Variants in NPAS3 observed in about 807,000 individuals in gnomAD.
NPAS3 encodes the protein neuronal PAS domain protein 3.
A neutral mutation model predicts 73.1 loss-of-function variants in NPAS3; 14 were observed. That is an observed-to-expected ratio of 0.19 (90% CI 0.13 to 0.30). The LOEUF is 0.30. Among genes scored for constraint, NPAS3 ranks in the 10% least tolerant of loss-of-function variants. The probability of loss-of-function intolerance (pLI) is 1.00; values close to 1 mark genes in which losing one functional copy is unlikely to be tolerated. For missense variants in NPAS3, 1,096 were observed against 1,250.0 expected (o/e 0.88, Z 1.86); for synonymous variants, 620 against 541.5 (o/e 1.14, Z -2.01).
At chr14:33,802,381 A>AAAG (rs2063734798), downstream of NPAS3, 1 of 149,694 alleles carries the variant, frequency 6.7e-6, no homozygotes, top group Admixed American at 6.6e-5. Context: ...TTAAGTAAAA[A>AAAG]AAAAAAAAAA....
intron 5 of NPAS3, among the ~76,000 whole-genome samples, chr14:33,626,825 G>A (rs544897686): frequency 6.6e-6 from 1 of 152,236 alleles, no homozygotes; most frequent in South Asian, 2.1e-4. Flanking sequence ...CATACAAAGG[G>A]ATAAGAAAGA....
chr14:33,361,857 G>T (rs2045618851), intron 3 of NPAS3, among the ~76,000 whole-genome samples: 1 of 152,060 alleles, frequency 6.6e-6, no homozygotes, highest in South Asian at 2.1e-4. Context: ...GTATTTATTT[G>T]TTATCAGATA....
At chr14:33,477,134 C>G (rs1445680997) in intron 4 of NPAS3, among the ~76,000 whole-genome samples, 4 of 151,754 alleles carry the variant, frequency 2.6e-5, no homozygotes, top group Non-Finnish European at 5.9e-5. Context: ...TTGTTGCCTT[C>G]TGGATTTAAT....
chr14:32,953,451 GT>G (rs1452533807), intron 1 of NPAS3, among the ~76,000 whole-genome samples: 1 of 152,162 alleles, frequency 6.6e-6, no homozygotes, highest in Non-Finnish European at 1.5e-5. Flanking sequence ...GGCGTCTTCT[GT>G]CCTGTGGTCC....
downstream of NPAS3, chr14:33,801,336 T>G: frequency 1.3e-6 from 1 of 796,346 alleles, no homozygotes; most frequent in Non-Finnish European, 1.9e-6. Flanking sequence ...GCCTGCCGTT[T>G]TGTCTTCTTC....
chr14:33,739,217 T>C (rs1398896673), intron 7 of NPAS3, among the ~76,000 whole-genome samples: 1 of 152,204 alleles, frequency 6.6e-6, no homozygotes, highest in Non-Finnish European at 1.5e-5. Context: ...TGCTATGACA[T>C]ACGCAAACAT....
intron 3 of NPAS3, among the ~76,000 whole-genome samples, chr14:33,335,714 C>A (rs1247474005): frequency 6.6e-6 from 1 of 152,090 alleles, no homozygotes; most frequent in Non-Finnish European, 1.5e-5. Context: ...TTGAGTGGAC[C>A]TTCTGGCTGT....
intron 3 of NPAS3, among the ~76,000 whole-genome samples, chr14:33,265,453 C>T (rs2049135090): frequency 6.6e-6 from 1 of 152,084 alleles, no homozygotes; most frequent in Non-Finnish European, 1.5e-5. Flanking sequence ...ATGCTAATGG[C>T]TTTGAACTTA....
At chr14:33,007,025 T>C (rs377670354) in intron 1 of NPAS3, among the ~76,000 whole-genome samples, 9,600 of 152,316 alleles carry the variant, frequency 0.063, 388 homozygotes, top group Middle Eastern at 0.15. Flanking sequence ...ATGACTTTTT[T>C]TGTTATCCAT....
intron 3 of NPAS3, among the ~76,000 whole-genome samples, chr14:33,268,728 T>A (rs181993961): frequency 1.3e-5 from 2 of 152,310 alleles, no homozygotes; most frequent in East Asian, 3.9e-4. Context: ...TTGGAGAAGA[T>A]GTTTCTGTTT....
chr14:33,698,047 C>T (rs984684758), intron 6 of NPAS3, among the ~76,000 whole-genome samples: 1 of 152,148 alleles, frequency 6.6e-6, no homozygotes, highest in Non-Finnish European at 1.5e-5. Context: ...CTCATGCATC[C>T]GATGGTCTGC....
chr14:33,343,867 C>CA (rs1338163896), intron 3 of NPAS3, among the ~76,000 whole-genome samples: 5 of 139,074 alleles, frequency 3.6e-5, no homozygotes, highest in Non-Finnish European at 6.6e-5. Flanking sequence ...TCTGCTCTGG[C>CA]GTCCTCAGTG....
chr14:33,497,680 T>G (rs1595031630), intron 4 of NPAS3, among the ~76,000 whole-genome samples: 1 of 152,100 alleles, frequency 6.6e-6, no homozygotes. Flanking sequence ...TTCCTTACAC[T>G]TTATACAAAA....
At chr14:33,246,202 A>G (rs1476871678) in intron 3 of NPAS3, among the ~76,000 whole-genome samples, 5 of 152,088 alleles carry the variant, frequency 3.3e-5, no homozygotes, top group African/African-American at 1.2e-4. Context: ...ACAGCATGAG[A>G]TAAGCTGAGT....
chr14:33,470,237 C>T (rs2050722478), intron 4 of NPAS3, among the ~76,000 whole-genome samples: 1 of 152,112 alleles, frequency 6.6e-6, no homozygotes, highest in South Asian at 2.1e-4. Context: ...AAGTTGTGCC[C>T]AGTTTCAAGG....
intron 4 of NPAS3, among the ~76,000 whole-genome samples, chr14:33,398,593 G>A (rs906113907): frequency 7.2e-5 from 11 of 151,974 alleles, no homozygotes; most frequent in African/African-American, 1.9e-4. Flanking sequence ...CTACTTCTTG[G>A]TTAAGGTTGA....
intron 6 of NPAS3, among the ~76,000 whole-genome samples, chr14:33,682,930 C>T (rs963911420): frequency 1.3e-5 from 2 of 152,202 alleles, no homozygotes; most frequent in African/African-American, 4.8e-5. Flanking sequence ...CCCAGGAATC[C>T]TTTGGGACCT....
At chr14:33,220,517 T>G (rs1051312435) in intron 3 of NPAS3, among the ~76,000 whole-genome samples, 4 of 152,210 alleles carry the variant, frequency 2.6e-5, no homozygotes, top group Non-Finnish European at 5.9e-5. Context: ...AGAACTAACC[T>G]TTTATCTTAC....
intron 2 of NPAS3, among the ~76,000 whole-genome samples, chr14:33,113,634 C>A: frequency 6.6e-6 from 1 of 152,160 alleles, no homozygotes; most frequent in Non-Finnish European, 1.5e-5. Flanking sequence ...TTGACTTCCT[C>A]TTTTCCTAAT....
Sources: allele counts gnomAD v4.1 joint callset (sites outside exome capture counted in the v4.1 genomes callset), GRCh38; gene constraint gnomAD v4.1.1; transcripts MANE v1.5; gene names NCBI Gene and HGNC (gene_info 2026-07-23, HGNC 2026-07-21).